PIK3C2G: variants seen among roughly 807,000 people sequenced by gnomAD.
PIK3C2G encodes the protein phosphatidylinositol 3-kinase C2 domain-containing subunit gamma.
Under a neutral mutation model 181.1 loss-of-function variants are expected in PIK3C2G, and 168 were observed. That is an observed-to-expected ratio of 0.93 (90% CI 0.82 to 1.05). The LOEUF (loss-of-function observed/expected upper bound fraction) is 1.05. PIK3C2G is among the 50% of genes least tolerant of loss of function. PIK3C2G has a pLI of 0.00. For synonymous variants in PIK3C2G, 573 were observed against 592.2 expected, an observed-to-expected ratio of 0.97 and a Z score of 0.47; for missense variants, 1,869 against 1,732.8, an observed-to-expected ratio of 1.08 and a Z score of -1.40.
rs534542501 is a variant in PIK3C2G, at chr12:18,256,051, T to C, written c.-79+7969T>C. Among the ~76,000 whole-genome samples the C allele has an allele frequency of 4.4e-3, 670 of 152,322 alleles. 5 individuals are homozygous for C. Among genetic ancestry groups the C allele is most frequent in the Middle Eastern group, 0.017 (5 of 294 alleles). On this transcript the variant is annotated intron_variant, in intron 1 of 11. Coordinates refer to the PIK3C2G transcript ENST00000535651. ...CATTGTTTTGGTGTAATGTAAGTAT[T>C]CAATAAATGAATTATCTATTCTAAA... is the stretch of plus-strand genomic sequence containing the variant.
intron 18 of PIK3C2G, among the ~76,000 whole-genome samples, chr12:18,434,318 A>C (rs1946327818): frequency 1.3e-5 from 2 of 152,162 alleles, no homozygotes. Flanking sequence ...ATGGGGATTA[A>C]ATTTCCAGCT....
rs554043014 is a variant in PIK3C2G at position 18,540,195 on chromosome 12, A to T, written c.3480+1883A>T. Among the ~76,000 whole-genome samples the T allele has an allele frequency of 1.6e-4, 25 of 151,912 alleles. No individual in the cohort carries two copies. In the South Asian group the frequency reaches 5.2e-3, roughly 32 times the overall value. ...ATTAACATAAGAGACCCAGAGTCTT[A>T]AAATTTTCAACTTAATGAGGAAGAT... On this transcript the variant is annotated intron_variant, in intron 25 of 32. Coordinates refer to ENST00000538779, the MANE Select transcript of PIK3C2G (RefSeq NM_001288772.2).
chr12:18,280,004 C>G (rs1327756023), intron 1 of PIK3C2G, among the ~76,000 whole-genome samples: 2 of 151,856 alleles, frequency 1.3e-5, no homozygotes, highest in Non-Finnish European at 2.9e-5. Flanking sequence ...TGCATTGCAA[C>G]AAAAGATTGA....
At chr12:18,588,643 G>C (rs1946913529) in intron 29 of PIK3C2G, among the ~76,000 whole-genome samples, 1 of 152,114 alleles carries the variant, frequency 6.6e-6, no homozygotes, top group Non-Finnish European at 1.5e-5. Flanking sequence ...ACTGTTGTTG[G>C]GAGTGTAAAT....
the PIK3C2G span, among the ~76,000 whole-genome samples, chr12:18,717,886 T>G: frequency 3.9e-5 from 6 of 152,142 alleles, no homozygotes; most frequent in African/African-American, 1.4e-4. Flanking sequence ...GAAATCGCAT[T>G]TCGAATTTTG....
At chr12:18,554,536 C>G (rs925101406) in intron 26 of PIK3C2G, among the ~76,000 whole-genome samples, 1 of 151,876 alleles carries the variant, frequency 6.6e-6, no homozygotes, top group Non-Finnish European at 1.5e-5. Flanking sequence ...TCCATGTGTG[C>G]AATTTTGAAT....
chr12:18,517,377 T>C (rs977109315), intron 24 of PIK3C2G, among the ~76,000 whole-genome samples: 4 of 152,200 alleles, frequency 2.6e-5, no homozygotes, highest in Non-Finnish European at 5.9e-5. Flanking sequence ...TGGGATGTTT[T>C]TCCATTTGTT....
At chr12:18,686,669 G>A in the PIK3C2G span, among the ~76,000 whole-genome samples, 1 of 151,838 alleles carries the variant, frequency 6.6e-6, no homozygotes, top group Non-Finnish European at 1.5e-5. Context: ...ACAAATCTTT[G>A]TACTCTTCTT....
chr12:18,565,322 G>A (rs1481071440), intron 28 of PIK3C2G, among the ~76,000 whole-genome samples: 1 of 151,904 alleles, frequency 6.6e-6, no homozygotes, highest in Non-Finnish European at 1.5e-5. Flanking sequence ...TGTGTTTCTG[G>A]GTAACTTCCA....
the PIK3C2G span, chr12:18,693,941 G>A: frequency 6.6e-7 from 1 of 1,521,382 alleles, no homozygotes; most frequent in Non-Finnish European, 9.1e-7. Context: ...GGCTAAAGAT[G>A]ACCTCTCTGG....
At chr12:18,685,353 G>A in the PIK3C2G span, 1 of 160,478 alleles carries the variant, frequency 6.2e-6, no homozygotes, top group East Asian at 1.7e-4. Flanking sequence ...ACAGAATCAA[G>A]AAATTCACAT....
At chr12:18,608,640 T>C (rs1300057810) in intron 30 of PIK3C2G, among the ~76,000 whole-genome samples, 2 of 151,952 alleles carry the variant, frequency 1.3e-5, no homozygotes, top group South Asian at 4.2e-4. Context: ...CACACCAACA[T>C]GGCACATGTA....
At chr12:18,293,483 A>T (rs922492381) in intron 4 of PIK3C2G, among the ~76,000 whole-genome samples, 1 of 152,130 alleles carries the variant, frequency 6.6e-6, no homozygotes, top group Non-Finnish European at 1.5e-5. Flanking sequence ...ATACCCTTAG[A>T]AGGAGCAATA....
chr12:18,324,940 C>T (rs1307795199), intron 7 of PIK3C2G, 95 bp from the exon 8 acceptor site: 2 of 659,252 alleles, frequency 3.0e-6, no homozygotes, highest in Admixed American at 2.9e-5. Context: ...ACGATAGTAT[C>T]ATGGGCAAAA....
the PIK3C2G span, among the ~76,000 whole-genome samples, chr12:18,700,120 AT>A: frequency 2.6e-5 from 4 of 152,186 alleles, no homozygotes; most frequent in Non-Finnish European, 5.9e-5. Context: ...GAACAAAAAA[AT>A]ATTTAATGTT....
intron 5 of PIK3C2G, among the ~76,000 whole-genome samples, chr12:18,313,446 GCC>G (rs1950723146): frequency 1.3e-5 from 2 of 151,518 alleles, no homozygotes; most frequent in East Asian, 1.9e-4. Context: ...AGTTTAATTG[GCC>G]TTCCTAAGGT....
chr12:18,568,390 GTGTGTGTGTGTGTGTGTGTGTGTC>G (rs1456994019), intron 29 of PIK3C2G, among the ~76,000 whole-genome samples: 1 of 151,466 alleles, frequency 6.6e-6, no homozygotes, highest in Non-Finnish European at 1.5e-5. Flanking sequence ...AAAATTGTGT[GTGTGTGTGTGTGTGTGTGTGTGTC>G]TGTGTGTGTG....
chr12:18,244,603 A>T (rs1317867117), upstream of PIK3C2G, among the ~76,000 whole-genome samples: 1 of 151,930 alleles, frequency 6.6e-6, no homozygotes, highest in African/African-American at 2.4e-5. Flanking sequence ...CAAGTAAATT[A>T]AAGTGTTAAT....
chr12:18,320,686 T>C (rs1951070157), intron 6 of PIK3C2G, among the ~76,000 whole-genome samples: 1 of 152,240 alleles, frequency 6.6e-6, no homozygotes, highest in Non-Finnish European at 1.5e-5. Context: ...TCATACTTAG[T>C]AGAAGAATTT....
Sources: gnomAD v4.1 joint callset for allele counts (sites outside exome capture counted in the v4.1 genomes callset) on GRCh38, gnomAD v4.1.1 for gene constraint, MANE v1.5 for transcripts, NCBI Gene and HGNC (gene_info 2026-07-23, HGNC 2026-07-21) for gene names.